Variants in ASTN2 observed in about 807,000 individuals in gnomAD.
ASTN2 encodes the protein astrotactin-2.
A neutral mutation model predicts 139.8 loss-of-function variants in ASTN2; 54 were observed. That is an observed-to-expected ratio of 0.39 (90% CI 0.31 to 0.48). The LOEUF (loss-of-function observed/expected upper bound fraction) is 0.48. Ranked by LOEUF, ASTN2 falls within the 20% of genes least tolerant of loss-of-function variation. The pLI is 0.95. For missense variants in ASTN2, 1,565 were observed against 1,725.1 expected (o/e 0.91, Z 1.64); for synonymous variants, 756 against 719.5 (o/e 1.05, Z -0.81).
chr9:116,498,864 T>G (rs1006870727), intron 19 of ASTN2, among the ~76,000 whole-genome samples: 5 of 152,206 alleles, frequency 3.3e-5, no homozygotes, highest in African/African-American at 1.2e-4. Flanking sequence ...CATAGCCATC[T>G]TAAACAAAGC....
intron 19 of ASTN2, among the ~76,000 whole-genome samples, chr9:116,537,500 T>C (rs999345124): frequency 9.8e-5 from 15 of 152,332 alleles, no homozygotes; most frequent in African/African-American, 3.4e-4. Flanking sequence ...TGTAATGATG[T>C]GTAATGTATA....
chr9:116,804,742 CTTT>C, intron 13 of ASTN2, among the ~76,000 whole-genome samples: 1 of 152,140 alleles, frequency 6.6e-6, no homozygotes, highest in South Asian at 2.1e-4. Flanking sequence ...CTAGTTCTGA[CTTT>C]TATTGATATG....
intron 5 of ASTN2, among the ~76,000 whole-genome samples, chr9:117,076,411 G>T (rs553512987): frequency 1.3e-5 from 2 of 152,118 alleles, no homozygotes; most frequent in East Asian, 1.9e-4. Flanking sequence ...AGAAAAAGAG[G>T]GGGGGATAGA....
chr9:117,160,672 A>G (rs370259831), intron 3 of ASTN2, among the ~76,000 whole-genome samples: 1 of 152,190 alleles, frequency 6.6e-6, no homozygotes. Flanking sequence ...TATATTGCCC[A>G]TACCTAAAAC....
intron 19 of ASTN2, among the ~76,000 whole-genome samples, chr9:116,508,302 C>T (rs930734591): frequency 2.6e-4 from 40 of 152,330 alleles, no homozygotes; most frequent in African/African-American, 9.1e-4. Context: ...TTGGTGAGCA[C>T]ATATTACACA....
intron 4 of ASTN2, among the ~76,000 whole-genome samples, chr9:117,114,527 A>G (rs1350541656): frequency 6.6e-6 from 1 of 152,200 alleles, no homozygotes; most frequent in African/African-American, 2.4e-5. Context: ...TATATCAATC[A>G]TGGAATAGCA....
intron 18 of ASTN2, 101 bp downstream of exon 18, chr9:116,620,209 G>T (rs1448323957): frequency 1.2e-5 from 19 of 1,540,116 alleles, no homozygotes; most frequent in Non-Finnish European, 1.3e-5. Context: ...ATCTTGTTAG[G>T]CACCTTGGGA....
At chr9:116,580,905 C>T (rs1853922086) in intron 19 of ASTN2, among the ~76,000 whole-genome samples, 1 of 151,972 alleles carries the variant, frequency 6.6e-6, no homozygotes, top group Admixed American at 6.6e-5. Flanking sequence ...TCCAAACAGC[C>T]CTAAAATAAC....
At chr9:116,641,390 G>T (rs921450724) in intron 17 of ASTN2, among the ~76,000 whole-genome samples, 3 of 152,120 alleles carry the variant, frequency 2.0e-5, no homozygotes, top group African/African-American at 7.2e-5. Flanking sequence ...GTTCCTATTT[G>T]TAAGACCTTG....
intron 2 of ASTN2, among the ~76,000 whole-genome samples, chr9:117,286,413 G>A (rs1276125301): frequency 4.7e-5 from 7 of 149,026 alleles, no homozygotes; most frequent in African/African-American, 1.2e-4. Context: ...GTCCAGTGGC[G>A]TGATCCTGGC....
chr9:117,214,835 T>A (rs1588090484), intron 2 of ASTN2, 93 bp from the exon 3 acceptor site: 1 of 1,297,932 alleles, frequency 7.7e-7, no homozygotes. Flanking sequence ...TCTGCCAGGA[T>A]CCCTGGGTTT....
chr9:116,840,842 T>G (rs1271690463), intron 11 of ASTN2, among the ~76,000 whole-genome samples: 3 of 150,720 alleles, frequency 2.0e-5, no homozygotes, highest in Non-Finnish European at 4.4e-5. Flanking sequence ...GAGGCGCTCC[T>G]CACTTCCTAG....
intron 17 of ASTN2, among the ~76,000 whole-genome samples, chr9:116,642,142 AAAAC>A (rs1398488135): frequency 2.8e-5 from 4 of 142,216 alleles, no homozygotes; most frequent in African/African-American, 5.8e-5. Flanking sequence ...CAAAAAAAAA[AAAAC>A]AAAAAAAAAC....
intron 1 of ASTN2, among the ~76,000 whole-genome samples, chr9:117,312,081 G>A (rs1244879566): frequency 6.6e-6 from 1 of 152,050 alleles, no homozygotes; most frequent in African/African-American, 2.4e-5. Context: ...ATCAAAGGAG[G>A]TACCCCATAT....
chr9:116,908,430 C>T (rs1834223785), intron 10 of ASTN2, among the ~76,000 whole-genome samples: 1 of 152,126 alleles, frequency 6.6e-6, no homozygotes, highest in Admixed American at 6.5e-5. Context: ...ACAGAACCTG[C>T]CAGACAATTG....
chr9:116,701,107 T>G (rs949676211), intron 16 of ASTN2: 4 of 167,100 alleles, frequency 2.4e-5, no homozygotes, highest in Admixed American at 1.3e-4. Flanking sequence ...GTTTGGTGTT[T>G]ACTAAGTAAT....
chr9:116,924,918 G>T (rs1834713538), intron 10 of ASTN2, among the ~76,000 whole-genome samples: 1 of 152,036 alleles, frequency 6.6e-6, no homozygotes, highest in Non-Finnish European at 1.5e-5. Context: ...ATTTTGCCCA[G>T]CCCCGACTCA....
intron 1 of ASTN2, among the ~76,000 whole-genome samples, chr9:117,336,057 G>T (rs1401773181): frequency 9.5e-6 from 1 of 104,926 alleles, no homozygotes; most frequent in Non-Finnish European, 1.9e-5. Flanking sequence ...GTCTGGAAAG[G>T]AAAAAAAAAA....
chr9:116,482,430 T>C (rs1045884312), intron 20 of ASTN2, among the ~76,000 whole-genome samples: 3 of 152,180 alleles, frequency 2.0e-5, no homozygotes, highest in Admixed American at 6.5e-5. Context: ...TGGCACATAG[T>C]GAATACTCAA....
Sources: gnomAD v4.1 joint callset for allele counts (sites outside exome capture counted in the v4.1 genomes callset) on GRCh38, gnomAD v4.1.1 for gene constraint, MANE v1.5 for transcripts, NCBI Gene and HGNC (gene_info 2026-07-23, HGNC 2026-07-21) for gene names.